Variants in SUPT3H observed in about 807,000 individuals in gnomAD.
SUPT3H encodes the protein transcription initiation protein SPT3 homolog.
In SUPT3H, 44 loss-of-function variants were observed where a neutral mutation model predicts 44.3. The ratio of observed to expected loss-of-function variants is 0.99; its 90% CI spans 0.78 to 1.28. SUPT3H has a LOEUF of 1.28. Ranked by LOEUF, SUPT3H falls within the 50% of genes most tolerant of loss-of-function variation. The pLI is 0.00. For synonymous variants in SUPT3H, 124 were observed against 125.6 expected (o/e 0.99, Z 0.09); for missense variants, 380 against 387.1 (o/e 0.98, Z 0.15).
At chr6:44,979,100 T>A (rs1046078437) in intron 6 of SUPT3H, among the ~76,000 whole-genome samples, 2 of 152,190 alleles carry the variant, frequency 1.3e-5, no homozygotes, top group African/African-American at 4.8e-5. Context: ...AGGTATCCCA[T>A]ATAGTTAAAT....
At chr6:45,372,049 C>T in intron 1 of SUPT3H, 1 of 965,854 alleles carries the variant, frequency 1.0e-6, no homozygotes, top group South Asian at 4.8e-5. Context: ...TCATAACTAA[C>T]CCAAAAGGCC....
At chr6:45,155,075 A>C (rs1228681500) in intron 2 of SUPT3H, among the ~76,000 whole-genome samples, 2 of 152,216 alleles carry the variant, frequency 1.3e-5, no homozygotes, top group African/African-American at 2.4e-5. Flanking sequence ...GAAACAAAAA[A>C]TGCATCTTAC....
chr6:45,000,085 C>T (rs1446888395), intron 6 of SUPT3H, among the ~76,000 whole-genome samples: 1 of 150,142 alleles, frequency 6.7e-6, no homozygotes, highest in East Asian at 1.9e-4. Context: ...AATGTATATA[C>T]ACAGATATAT....
At chr6:45,296,212 AC>A (rs1266250832) in intron 2 of SUPT3H, among the ~76,000 whole-genome samples, 2 of 151,714 alleles carry the variant, frequency 1.3e-5, no homozygotes, top group Non-Finnish European at 2.9e-5. Context: ...ACACACACAC[AC>A]AATGCAACAC....
At chr6:45,183,898 C>T (rs1319331209) in intron 2 of SUPT3H, among the ~76,000 whole-genome samples, 3 of 152,038 alleles carry the variant, frequency 2.0e-5, no homozygotes, top group Admixed American at 1.3e-4. Flanking sequence ...GCAAAAAGAT[C>T]ATTGGTTATT....
At chr6:44,859,354 T>G (rs1185420698) in intron 10 of SUPT3H, among the ~76,000 whole-genome samples, 16 of 152,194 alleles carry the variant, frequency 1.1e-4, no homozygotes, top group Admixed American at 1.0e-3. Flanking sequence ...TTTCAAAATC[T>G]CCAAATTCAA....
chr6:45,304,303 T>C (rs1053294814), intron 2 of SUPT3H, among the ~76,000 whole-genome samples: 4 of 152,186 alleles, frequency 2.6e-5, no homozygotes, highest in Admixed American at 6.5e-5. Flanking sequence ...TACCCATCCA[T>C]CCAAATTATA....
chr6:44,910,809 C>T (rs1766899683), intron 10 of SUPT3H, among the ~76,000 whole-genome samples: 1 of 151,482 alleles, frequency 6.6e-6, no homozygotes, highest in Non-Finnish European at 1.5e-5. Context: ...GTCTGGCCAA[C>T]ATGGTGAAAC....
chr6:44,831,055 A>AAAT (rs1008536335), intron 10 of SUPT3H, among the ~76,000 whole-genome samples: 1 of 152,202 alleles, frequency 6.6e-6, no homozygotes, highest in Non-Finnish European at 1.5e-5. Context: ...GAGGTGAAAC[A>AAAT]AATATAGTTT....
At chr6:45,243,457 T>C (rs1439146689) in intron 2 of SUPT3H, among the ~76,000 whole-genome samples, 24 of 151,610 alleles carry the variant, frequency 1.6e-4, no homozygotes. Context: ...AACCTGATCT[T>C]TTTAAAAGAT....
At chr6:45,180,339 A>C (rs970624042) in intron 2 of SUPT3H, among the ~76,000 whole-genome samples, 1 of 149,948 alleles carries the variant, frequency 6.7e-6, no homozygotes, top group Admixed American at 6.7e-5. Flanking sequence ...GCTACCAATG[A>C]CTCTCTTCAC....
At chr6:45,054,633 C>G in intron 3 of SUPT3H, among the ~76,000 whole-genome samples, 1 of 152,090 alleles carries the variant, frequency 6.6e-6, no homozygotes, top group East Asian at 1.9e-4. Flanking sequence ...ATCTTTTCTG[C>G]CACTATGTAG....
At chr6:45,265,647 G>A (rs549088246) in intron 2 of SUPT3H, among the ~76,000 whole-genome samples, 2 of 152,056 alleles carry the variant, frequency 1.3e-5, no homozygotes, top group Admixed American at 1.3e-4. Flanking sequence ...CCAAAGTAGG[G>A]TTTTTACTTT....
chr6:44,944,149 C>T (rs12198308), intron 9 of SUPT3H, among the ~76,000 whole-genome samples: 30,481 of 151,082 alleles, frequency 0.2, 3,844 homozygotes, highest in Non-Finnish European at 0.29. Flanking sequence ...AGGACCTGGA[C>T]CTATATATAT....
At chr6:44,941,372 T>C (rs1436436560) in intron 9 of SUPT3H, among the ~76,000 whole-genome samples, 1 of 152,138 alleles carries the variant, frequency 6.6e-6, no homozygotes, top group African/African-American at 2.4e-5. Flanking sequence ...AAAAGCTATT[T>C]CTCCTTCATT....
intron 2 of SUPT3H, among the ~76,000 whole-genome samples, chr6:45,299,649 C>G (rs909626797): frequency 1.3e-5 from 2 of 150,906 alleles, no homozygotes; most frequent in African/African-American, 4.9e-5. Flanking sequence ...AAAAAATTAA[C>G]AAGCCTATAA....
intron 2 of SUPT3H, among the ~76,000 whole-genome samples, chr6:45,156,305 A>C (rs910751966): frequency 1.3e-5 from 2 of 152,130 alleles, no homozygotes; most frequent in African/African-American, 4.8e-5. Context: ...GGATGACAAA[A>C]ATGCTTTCAG....
At chr6:45,097,909 A>C (rs536467032) in intron 3 of SUPT3H, 1 of 152,684 alleles carries the variant, frequency 6.5e-6, no homozygotes, top group South Asian at 2.1e-4. Context: ...AAGGTCATCC[A>C]TTTCAGTATT....
At chr6:45,367,121 C>T (rs1056690652) in intron 1 of SUPT3H, among the ~76,000 whole-genome samples, 5 of 151,978 alleles carry the variant, frequency 3.3e-5, no homozygotes, top group East Asian at 1.9e-4. Context: ...TTTGAGAAGG[C>T]GACAGGACAC....
Sources: gnomAD v4.1 joint callset for allele counts (sites outside exome capture counted in the v4.1 genomes callset) on GRCh38, gnomAD v4.1.1 for gene constraint, MANE v1.5 for transcripts, NCBI Gene and HGNC (gene_info 2026-07-23, HGNC 2026-07-21) for gene names.